Variants in TMED5 observed in about 807,000 individuals in gnomAD.
TMED5 encodes the protein transmembrane emp24 domain-containing protein 5.
In TMED5, 27 loss-of-function variants were observed where a neutral mutation model predicts 23.0. The ratio of observed to expected loss-of-function variants is 1.17; its 90% CI spans 0.86 to 1.62. The LOEUF (loss-of-function observed/expected upper bound fraction) is 1.62. TMED5 is among the 40% of genes most tolerant of loss of function. The pLI, the probability that TMED5 is intolerant of heterozygous loss-of-function variation, is 0.00. For synonymous variants in TMED5, 97 were observed against 100.8 expected, an observed-to-expected ratio of 0.96 and a Z score of 0.23; for missense variants, 248 against 273.7, an observed-to-expected ratio of 0.91 and a Z score of 0.66.
chr1:93,172,299 A>G (rs1276951078), intron 1 of TMED5, among the ~76,000 whole-genome samples: 1 of 152,172 alleles, frequency 6.6e-6, no homozygotes, highest in Non-Finnish European at 1.5e-5. Context: ...CCATGTAGAA[A>G]TCCTAAAGAA....
In TMED5 at chr1:93,154,783, C is replaced by CA; in HGVS notation, c.576dup (p.Asp193Ter). 2 of 1,614,014 alleles carry CA rather than the reference C, an allele frequency of 1.2e-6. No homozygotes were observed. Among genetic ancestry groups the CA allele is most frequent in the Non-Finnish European group, 1.7e-6 (2 of 1,179,916 alleles). On this transcript the variant is annotated frameshift_variant, in exon 4 of 4. Transcript: ENST00000370282. LOFTEE classifies it high-confidence loss of function. ...ACCATAGACCAGAAATTGACTCTAT[C>CA]AAAGTTGCTTTCTTGTATGTTTCGA... is the stretch of plus-strand genomic sequence containing the variant.
At chr1:93,166,290 A>G (rs1326015420) in intron 1 of TMED5, among the ~76,000 whole-genome samples, 2 of 152,204 alleles carry the variant, frequency 1.3e-5, no homozygotes, top group African/African-American at 4.8e-5. Flanking sequence ...CAGTGGTGGG[A>G]TTGCTGGACT....
chr1:93,155,067 T>C (rs968806524), intron 3 of TMED5, among the ~76,000 whole-genome samples, 179 bp from the exon 4 acceptor site: 1 of 152,050 alleles, frequency 6.6e-6, no homozygotes, highest in Non-Finnish European at 1.5e-5. Context: ...AGACAGACTC[T>C]GCCTCTACAA....
rs1260740106 is a variant in TMED5 at position 93,153,365 on chromosome 1, A to AAT, written c.*1303_*1304dup. On this transcript the variant is annotated 3_prime_UTR_variant, in exon 4 of 4. Transcript: ENST00000370282. ...ATAAAGTGTTCAGAAAGGCCATTTT[A>AAT]ATAAAAGTTGTTATAATAAAAATTT... 1.3e-5 allele frequency: 2 copies of AAT among 152,138 alleles called. No individual in the cohort carries two copies. The highest frequency in any genetic ancestry group is 2.9e-5 in the Non-Finnish European group (2 of 67,968). The allele number at this position is 152,138 out of a possible 1,614,324, so 9.4% of individuals were successfully genotyped here.
rs1648004592 is a variant in TMED5 at position 93,154,852 on chromosome 1, T to C, written c.508A>G (p.Ser170Gly). ...CTAAGCAGAGTTTGTATGTGCCCACTTTTGCTTAGTCTGGACTTGATGCTG... is the reference window on the plus strand; with the variant it reads ...CTAAGCAGAGTTTGTATGTGCCCACCTTTGCTTAGTCTGGACTTGATGCTG... ...INSIKSRLSK[S>G]GHIQTLLRAF... The change falls in exon 4 of 4, where the codon AGT becomes GGT. Residue 170 changes from serine (S) to glycine (G), a missense_variant. Ser to Gly is a moderately conservative substitution (Grantham distance 56). Transcript: ENST00000370282. 1.9e-6 allele frequency: 3 copies of C among 1,613,776 alleles called. No individual in the cohort carries two copies. Among genetic ancestry groups the C allele is most frequent in the Non-Finnish European group, 2.5e-6 (3 of 1,179,696 alleles).
At chr1:93,174,794 AC>A (rs1648848033) in intron 1 of TMED5, among the ~76,000 whole-genome samples, 2 of 152,246 alleles carry the variant, frequency 1.3e-5, no homozygotes, top group African/African-American at 4.8e-5. Context: ...CTCCAGCTCA[AC>A]CCATATTCCC....
intron 1 of TMED5, among the ~76,000 whole-genome samples, chr1:93,164,044 T>C (rs979335783): frequency 4.0e-5 from 6 of 150,556 alleles, no homozygotes; most frequent in African/African-American, 1.5e-4. Flanking sequence ...TGGAACATGA[T>C]GGGGATAATA....
At chr1:93,161,928 T>A (rs1327637155) in intron 1 of TMED5, 2 of 152,238 alleles carry the variant, frequency 1.3e-5, no homozygotes, top group East Asian at 1.9e-4. Flanking sequence ...AATAAATGCA[T>A]CTTTTTATCA....
chr1:93,161,767 G>T (rs543449904), intron 1 of TMED5: 1 of 152,110 alleles, frequency 6.6e-6, no homozygotes, highest in Non-Finnish European at 1.5e-5. Flanking sequence ...GCATAAACTT[G>T]TAGGTACCTT....
At chr1:93,175,462 ATG>A (rs1376350440) in intron 1 of TMED5, among the ~76,000 whole-genome samples, 5 of 149,616 alleles carry the variant, frequency 3.3e-5, no homozygotes, top group East Asian at 1.9e-4. Flanking sequence ...TATAATAGAT[ATG>A]TGTGTGTATG....
intron 2 of TMED5, among the ~76,000 whole-genome samples, chr1:93,158,511 TAA>T (rs1648151544): frequency 6.6e-6 from 1 of 151,698 alleles, no homozygotes. Context: ...TGGGGAGAAA[TAA>T]AGACTGACAT....
At chr1:93,171,013 G>C (rs1648710698) in intron 1 of TMED5, among the ~76,000 whole-genome samples, 1 of 152,180 alleles carries the variant, frequency 6.6e-6, no homozygotes, top group African/African-American at 2.4e-5. Context: ...ACCTGCTGGG[G>C]TCCCCTTGTA....
At chr1:93,164,596 TCA>T (rs59797929) in intron 1 of TMED5, among the ~76,000 whole-genome samples, 193 of 152,264 alleles carry the variant, frequency 1.3e-3, no homozygotes, top group African/African-American at 4.6e-3. Context: ...AATTTGTAGT[TCA>T]CAGTTTCACT....
At chr1:93,158,610 C>T (rs1312285498) in intron 2 of TMED5, among the ~76,000 whole-genome samples, 2 of 141,458 alleles carry the variant, frequency 1.4e-5, no homozygotes, top group African/African-American at 2.7e-5. Context: ...GAGTCTCTGT[C>T]GCCAGGCTGG....
intron 2 of TMED5, among the ~76,000 whole-genome samples, chr1:93,159,735 C>G (rs1648203597): frequency 6.6e-6 from 1 of 151,380 alleles, no homozygotes; most frequent in African/African-American, 2.4e-5. Context: ...AGAAAGAAAA[C>G]TATGGACAAA....
chr1:93,170,554 C>T (rs767642960), intron 1 of TMED5, among the ~76,000 whole-genome samples: 56 of 152,342 alleles, frequency 3.7e-4, no homozygotes, highest in Admixed American at 9.1e-4. Flanking sequence ...CCCCGAAGAG[C>T]GCCACTCCCT....
chr1:93,151,767 G>A lies in TMED5; in HGVS notation c.*2903C>T, dbSNP rs2101117718. ...AGAGAGCTATGGGGTTTCAAAACAG[G>A]AGGAGAGAGCACATTATTAACTAAA... On this transcript the variant is annotated 3_prime_UTR_variant, in exon 4 of 4. Coordinates refer to ENST00000370282, the MANE Select transcript of TMED5 (RefSeq NM_016040.5). The A allele has an allele frequency of 6.6e-6, 1 of 152,256 alleles. No individual in the cohort carries two copies. The allele number at this position is 152,256 out of a possible 1,614,324, so 9.4% of individuals were successfully genotyped here.
At chr1:93,158,196 T>C (rs925645418) in intron 2 of TMED5, among the ~76,000 whole-genome samples, 2 of 151,964 alleles carry the variant, frequency 1.3e-5, no homozygotes, top group Admixed American at 1.3e-4. Context: ...CCTGAATGTA[T>C]ATCCTGGCTT....
Position 93,180,360 on chromosome 1 carries a change from G to C in TMED5, c.-118C>G. ...AATCTGGAGTCTGAAGAAACTCCAG[G>C]TGGCGGCCGCGGCGGCGGCGAACAC... On this transcript the variant is annotated 5_prime_UTR_variant, in exon 1 of 4. Transcript: ENST00000370282. 1 of 1,339,898 alleles carries C rather than the reference G, an allele frequency of 7.5e-7. No homozygotes were observed. Among genetic ancestry groups the C allele is most frequent in the South Asian group, 1.4e-5 (1 of 73,376 alleles). 83.0% of individuals were successfully genotyped at this position (1,339,898 alleles called of 1,614,324 possible).
Sources: gnomAD v4.1 joint callset for allele counts (sites outside exome capture counted in the v4.1 genomes callset) on GRCh38, gnomAD v4.1.1 for gene constraint, MANE v1.5 for transcripts, NCBI Gene and HGNC (gene_info 2026-07-23, HGNC 2026-07-21) for gene names.